The following ZNF423 variants were observed in gnomAD, a reference collection of about 807,000 sequenced individuals.
The protein encoded by ZNF423 is Ebf-associated zinc finger protein.
ZNF423 carries 12 observed loss-of-function variants against 95.8 expected under a neutral mutation model. The observed-to-expected ratio is 0.13, with a 90% CI of 0.08 to 0.20. ZNF423 has a LOEUF of 0.20. Ranked by LOEUF, ZNF423 falls within the 10% of genes least tolerant of loss-of-function variation. The pLI is 1.00. For synonymous variants in ZNF423, 749 were observed against 711.9 expected (o/e 1.05, Z -0.83); for missense variants, 1,316 against 1,737.1 (o/e 0.76, Z 4.31).
Position 49,636,474 on chromosome 16 carries a change from G to A in ZNF423, c.2702C>T (p.Ala901Val), listed in dbSNP as rs1051021187. 17 of 1,613,538 alleles carry A rather than the reference G, an allele frequency of 1.1e-5. No homozygotes were observed. The highest frequency in any genetic ancestry group is 1.4e-5 in the Non-Finnish European group (16 of 1,180,006). ...EPMYGCDICG[A>V]AYTMEVLLQN... ...CAGCAGCACCTCCATGGTGTAGGCC[G>A]CCCCACAGATGTCACAGCCGTACAT... Residue 901 changes from alanine to valine, a missense_variant, in exon 4 of 8, where the codon GCG (alanine) becomes GTG (valine). Transcript: ENST00000563137. This position sits in a 1 kb window ranked among gnomAD's most constrained non-coding sequence, Gnocchi z 8.6.
intron 7 of ZNF423, among the ~76,000 whole-genome samples, chr16:49,513,564 T>C (rs1162754895): frequency 1.3e-5 from 2 of 152,154 alleles, no homozygotes; most frequent in African/African-American, 2.4e-5. Context: ...CTTCTTCCTT[T>C]TCCTCCTTTC....
chr16:49,717,380 G>C (rs148398664), intron 3 of ZNF423, among the ~76,000 whole-genome samples: 71 of 152,372 alleles, frequency 4.7e-4, no homozygotes, highest in African/African-American at 1.7e-3. Context: ...CAGGAGGTCA[G>C]GTCACCTGCT....
chr16:49,654,774 T>A (rs1973544219), intron 3 of ZNF423, among the ~76,000 whole-genome samples: 1 of 152,204 alleles, frequency 6.6e-6, no homozygotes, highest in Non-Finnish European at 1.5e-5. Flanking sequence ...GCCTTCAGAT[T>A]AGGCCAGGGA....
chr16:49,752,653 C>A (rs756215896), intron 2 of ZNF423, among the ~76,000 whole-genome samples: 7 of 152,212 alleles, frequency 4.6e-5, no homozygotes, highest in Non-Finnish European at 8.8e-5. Context: ...AAAACCTGCA[C>A]AAATTCATCG....
rs202061090 is a variant in ZNF423 at position 49,792,071 on chromosome 16, AGG to A, written c.41-2527_41-2526del. Among the ~76,000 whole-genome samples, 758 of 151,232 alleles carry A rather than the reference AGG, an allele frequency of 5.0e-3. 5 individuals carry two copies. The highest frequency in any genetic ancestry group is 0.016 in the African/African-American group (668 of 41,292). ...CTGGGGCTGGGAGGGGTAGGAAGGT[AGG>A]GGTGATAGCTAAGGATACAGAGTTT... On this transcript the variant is annotated intron_variant, in intron 1 of 7. Transcript: ENST00000563137.
chr16:49,509,195 G>A (rs1225320104), intron 7 of ZNF423, among the ~76,000 whole-genome samples: 3 of 152,100 alleles, frequency 2.0e-5, no homozygotes, highest in Admixed American at 6.5e-5. Context: ...AGCCCAAATG[G>A]CCCTGTCCTA....
At chr16:49,765,731 A>G (rs1258799928) in intron 2 of ZNF423, among the ~76,000 whole-genome samples, 1 of 152,196 alleles carries the variant, frequency 6.6e-6, no homozygotes, top group African/African-American at 2.4e-5. Context: ...AAAAATAAAA[A>G]AATAAGTCAA....
At chr16:49,526,393 C>T (rs2151710607) in intron 5 of ZNF423, among the ~76,000 whole-genome samples, 1 of 152,306 alleles carries the variant, frequency 6.6e-6, no homozygotes, top group African/African-American at 2.4e-5. Context: ...CCGCTGAGAC[C>T]CCAAACCTTC....
Position 49,635,693 on chromosome 16 carries a change from G to T in ZNF423, c.3483C>A (p.Pro1161=). ...CTGGCGATGTCTGGGTGCCTTTCCGGGGCCCACTGGTCTCCGGCGTGAGGT... is the reference window on the plus strand; with the variant it reads ...CTGGCGATGTCTGGGTGCCTTTCCGTGGCCCACTGGTCTCCGGCGTGAGGT... ...HRDLTPETSG[P]RKGTQTSPVP... The change falls in exon 4 of 8, where the codon CCC becomes CCA. Residue 1161 remains proline (P), a synonymous_variant. Coordinates refer to ENST00000563137, the MANE Select transcript of ZNF423 (RefSeq NM_001379286.1). This position sits in a 1 kb window ranked among gnomAD's most constrained non-coding sequence, Gnocchi z 4.8. The T allele has an allele frequency of 6.3e-7, 1 of 1,592,856 alleles. No individual in the cohort carries two copies. The highest frequency in any genetic ancestry group is 8.5e-7 in the Non-Finnish European group (1 of 1,171,756).
At chr16:49,697,043 G>A (rs970772428) in intron 3 of ZNF423, among the ~76,000 whole-genome samples, 38 of 152,324 alleles carry the variant, frequency 2.5e-4, no homozygotes, top group African/African-American at 8.9e-4. Flanking sequence ...GTCCATCGTG[G>A]GGGAGGAGGC....
At chr16:49,719,780 G>T (rs1428095440) in intron 3 of ZNF423, among the ~76,000 whole-genome samples, 1 of 152,228 alleles carries the variant, frequency 6.6e-6, no homozygotes, top group East Asian at 1.9e-4. Flanking sequence ...GGAAATGCAA[G>T]TCAATTAAAA....
chr16:49,638,232 T>C lies in ZNF423; in HGVS notation c.944A>G (p.Glu315Gly). The change falls in exon 4 of 8, where the codon GAG (glutamate) becomes GGG (glycine). Residue 315 changes from glutamate (E) to glycine (G), a missense_variant. Transcript: ENST00000563137. The surrounding 1 kb of genome is among the most constrained non-coding windows in gnomAD (Gnocchi z 5.6). Reference sequence around the variant, plus strand: ...GTGGATATGGGCGAGCAGTGTGTTCTCGTCGACGAAGACCTCAGGGCAGTG... The same window carrying C: ...GTGGATATGGGCGAGCAGTGTGTTCCCGTCGACGAAGACCTCAGGGCAGTG... ...CIHCPEVFVD[E>G]NTLLAHIHQA... 1 of 1,609,804 alleles carries C rather than the reference T, an allele frequency of 6.2e-7. No individual in the cohort carries two copies. Among genetic ancestry groups the C allele is most frequent in the East Asian group, 2.2e-5 (1 of 44,878 alleles).
At chr16:49,616,658 G>T (rs1596721793) in intron 5 of ZNF423, among the ~76,000 whole-genome samples, 2 of 152,124 alleles carry the variant, frequency 1.3e-5, no homozygotes, top group East Asian at 3.9e-4. Context: ...CTGAATGAAT[G>T]AAGGAATAAA....
intron 1 of ZNF423, among the ~76,000 whole-genome samples, chr16:49,822,320 C>T (rs760292285): frequency 1.9e-4 from 29 of 151,982 alleles, no homozygotes; most frequent in Non-Finnish European, 3.5e-4. Flanking sequence ...ATTACAGGTG[C>T]CCACCACCAC....
chr16:49,731,107 T>G, intron 2 of ZNF423, 136 bp from the exon 3 acceptor site: 2 of 1,014,682 alleles, frequency 2.0e-6, no homozygotes, highest in Non-Finnish European at 2.9e-6. Context: ...CACCTCTCAG[T>G]ATATTAATAG....
At chr16:49,681,254 C>T (rs1266649559) in intron 3 of ZNF423, among the ~76,000 whole-genome samples, 1 of 152,206 alleles carries the variant, frequency 6.6e-6, no homozygotes, top group African/African-American at 2.4e-5. Context: ...TATCCTAAGC[C>T]ATGACTGCAG....
At chr16:49,787,687 G>C (rs2034338479) in intron 2 of ZNF423, among the ~76,000 whole-genome samples, 1 of 152,126 alleles carries the variant, frequency 6.6e-6, no homozygotes, top group Non-Finnish European at 1.5e-5. Context: ...GATGCAGCTG[G>C]GGTGCTTGAC....
chr16:49,615,607 C>A (rs1206097177), intron 5 of ZNF423, among the ~76,000 whole-genome samples: 4 of 152,134 alleles, frequency 2.6e-5, no homozygotes, highest in African/African-American at 9.7e-5. Flanking sequence ...AGTCCCCCAG[C>A]TGCTGGTGAA....
At position 49,636,036 on chromosome 16, in the gene ZNF423, C is replaced by A; in HGVS notation, c.3140G>T (p.Gly1047Val). The change falls in exon 4 of 8, where the codon GGC becomes GTC. Residue 1047 changes from glycine to valine, a missense_variant. Around this residue, in one of 6 missense-constraint regions of ZNF423, gnomAD observed 620 missense variants for 775.6 expected, o/e 0.80. Transcript: ENST00000563137. This position sits in a 1 kb window ranked among gnomAD's most constrained non-coding sequence, Gnocchi z 8.6. Reference sequence around the variant, plus strand: ...CGCCAGCTTCTGCATGTGGAAGGTGCCATGGATCTTGAGCTCAAGCGTGGA... The same window carrying A: ...CGCCAGCTTCTGCATGTGGAAGGTGACATGGATCTTGAGCTCAAGCGTGGA... ...VTSTLELKIH[G>V]TFHMQKLAGS... 1 of 1,611,618 alleles carries A rather than the reference C, an allele frequency of 6.2e-7. No homozygotes were observed. The highest frequency in any genetic ancestry group is 8.5e-7 in the Non-Finnish European group (1 of 1,178,192).
Sources: gnomAD v4.1 joint callset for allele counts (sites outside exome capture counted in the v4.1 genomes callset) on GRCh38, gnomAD v4.1.1 for gene constraint, gnomAD v4.1.1 regional missense constraint, Gnocchi (gnomAD v3.1) non-coding constraint, MANE v1.5 for transcripts, NCBI Gene and HGNC (gene_info 2026-07-23, HGNC 2026-07-21) for gene names.